The following BIN1 variants were observed in gnomAD, a reference collection of about 807,000 sequenced individuals.
The protein encoded by BIN1 is myc box-dependent-interacting protein 1.
In BIN1, 53 loss-of-function variants were observed where a neutral mutation model predicts 82.0. That is an observed-to-expected ratio of 0.65 (90% confidence interval 0.52 to 0.81). The LOEUF (loss-of-function observed/expected upper bound fraction) is 0.81. BIN1 is among the 40% of genes least tolerant of loss of function. The pLI, the probability that BIN1 is intolerant of heterozygous loss-of-function variation, is 0.00. For synonymous variants in BIN1, 302 were observed against 328.0 expected (o/e 0.92, Z 0.86); for missense variants, 642 against 784.4 (o/e 0.82, Z 2.17).
chr2:127,059,040 C>T lies in BIN1; in HGVS notation c.973G>A (p.Gly325Arg), dbSNP rs571987587. ...EPEPAGGATP[G>R]ATLPKSPSQL... The stretch of plus-strand genomic sequence containing the variant: ...GATGGGGACTTGGGGAGGGTGGCCC[C>T]GGGCGTGGCCCCGCCGGCCGGCTCT... The change falls in exon 11 of 19, where the codon GGG (glycine) becomes AGG (arginine). Residue 325 changes from glycine (G) to arginine (R), a missense_variant. Coordinates refer to ENST00000316724, the MANE Select transcript of BIN1 (RefSeq NM_139343.3). The surrounding 1 kb of genome is among the most constrained non-coding windows in gnomAD (Gnocchi z 6.7). The T allele has an allele frequency of 3.2e-6, 5 of 1,563,878 alleles. No homozygotes were observed. Among genetic ancestry groups the T allele is most frequent in the African/African-American group, 1.4e-5 (1 of 73,736 alleles).
rs1469189523 is a variant in BIN1 at position 127,093,957 on chromosome 2, C to T, written c.84+12903G>A. On this transcript the variant is annotated intron_variant, in intron 1 of 18. Transcript: ENST00000316724. This position sits in a 1 kb window ranked among gnomAD's most constrained non-coding sequence, Gnocchi z 5.7. ...AGACAGGACGGCCCTAGAGGATACA[C>T]ACGGAGGGCATGGGTGCAGCTAGAC... Among the ~76,000 whole-genome samples the T allele has an allele frequency of 2.0e-5, 3 of 152,184 alleles. No homozygotes were observed. The highest frequency in any genetic ancestry group is 2.9e-5 in the Non-Finnish European group (2 of 68,028).
Position 127,067,310 on chromosome 2 carries a change from C to G in BIN1, c.612+853G>C, listed in dbSNP as rs991524558. ...TGTGACTACACTGACCTGAAATGTG[C>G]CTCAGTTTCATTGGCGAGAAAACCA... On this transcript the variant is annotated intron_variant, in intron 7 of 18. Transcript: ENST00000316724. This position sits in a 1 kb window ranked among gnomAD's most constrained non-coding sequence, Gnocchi z 4.7. Among the ~76,000 whole-genome samples, 4 of 152,148 alleles carry G rather than the reference C, an allele frequency of 2.6e-5. No individual in the cohort carries two copies. The highest frequency in any genetic ancestry group is 2.6e-4 in the Admixed American group (4 of 15,280).
In BIN1 at chr2:127,057,560, G is replaced by C; in HGVS notation, c.1044C>G (p.Thr348=). ...GPPVPPPPKH[T]PSKEVKQEQI... ...GCTCCTGCTTGACTTCCTTGGACGG[G>C]GTGTGTTTGGGAGGCGGAGGGACTG... Residue 348 remains threonine, a synonymous_variant, in exon 12 of 19, where the codon ACC becomes ACG. Transcript: ENST00000316724. This position sits in a 1 kb window ranked among gnomAD's most constrained non-coding sequence, Gnocchi z 5.0. 1 of 1,542,638 alleles carries C rather than the reference G, an allele frequency of 6.5e-7. No individual in the cohort carries two copies.
At chr2:127,051,688 C>T (rs1418482338) in intron 15 of BIN1, among the ~76,000 whole-genome samples, 2 of 152,224 alleles carry the variant, frequency 1.3e-5, no homozygotes, top group Non-Finnish European at 2.9e-5. Context: ...AGCCTGAGCA[C>T]AACCCAGCGC....
chr2:127,105,770 G>A (rs1681021251), intron 1 of BIN1, among the ~76,000 whole-genome samples: 1 of 152,192 alleles, frequency 6.6e-6, no homozygotes, highest in Admixed American at 6.5e-5. Flanking sequence ...GGGGAAGGCC[G>A]GCCTGTCCCT....
At chr2:127,071,411 C>T (rs1037177243) in intron 2 of BIN1, among the ~76,000 whole-genome samples, 1 of 152,104 alleles carries the variant, frequency 6.6e-6, no homozygotes, top group Non-Finnish European at 1.5e-5. Flanking sequence ...GCCAGGATCA[C>T]TGGCCCAGCT....
chr2:127,070,041 G>A lies in BIN1; in HGVS notation c.365C>T (p.Ala122Val), dbSNP rs745382388. ...CAGGTACGTGTCCATGGTCAGCAGCGCCTGGTCCACCAGCTTCTGGTGGTA... is the reference window on the plus strand; with the variant it reads ...CAGGTACGTGTCCATGGTCAGCAGCACCTGGTCCACCAGCTTCTGGTGGTA... The part of the protein sequence containing the change: ...MDYHQKLVDQ[A>V]LLTMDTYLGQ... The change falls in exon 5 of 19, where the codon GCG (alanine) becomes GTG (valine). Residue 122 changes from alanine (A) to valine (V), a missense_variant. By Grantham distance (64) the Ala-to-Val change is moderately conservative (BLOSUM62 0). Transcript: ENST00000316724. 2 of 1,614,006 alleles carry A rather than the reference G, an allele frequency of 1.2e-6. No individual in the cohort carries two copies. The highest frequency in any genetic ancestry group is 1.3e-5 in the African/African-American group (1 of 74,944).
At chr2:127,060,639 T>C (rs1351848416) in intron 10 of BIN1, 1 of 1,614,076 alleles carries the variant, frequency 6.2e-7, no homozygotes, top group African/African-American at 1.3e-5. Context: ...TTACTTTTCT[T>C]TCTGTGGGGA....
intron 13 of BIN1, 190 bp downstream of exon 13, chr2:127,053,715 A>C (rs1683265882): frequency 1.4e-6 from 1 of 700,140 alleles, no homozygotes; most frequent in Non-Finnish European, 2.5e-6. Context: ...CCCTACTGAG[A>C]GTTCTCCCAG....
At chr2:127,065,718 C>T (rs529722436) in intron 7 of BIN1, among the ~76,000 whole-genome samples, 1 of 152,332 alleles carries the variant, frequency 6.6e-6, no homozygotes, top group Non-Finnish European at 1.5e-5. Context: ...GAAGACAGCA[C>T]CGCAGCTTGT....
intron 1 of BIN1, among the ~76,000 whole-genome samples, chr2:127,094,676 G>A (rs1238469891): frequency 3.3e-5 from 5 of 152,270 alleles, no homozygotes; most frequent in Non-Finnish European, 5.9e-5. Flanking sequence ...TGACCCGCAA[G>A]TGCAGTGGCA....
chr2:127,058,904 TGCCCAGGCCA>T, intron 11 of BIN1, 97 bp downstream of exon 11: 1 of 1,487,140 alleles, frequency 6.7e-7, no homozygotes, highest in Non-Finnish European at 9.1e-7. Flanking sequence ...GGTCCATAGC[TGCCCAGGCCA>T]GAAAGGGGAC....
intron 1 of BIN1, among the ~76,000 whole-genome samples, chr2:127,079,846 C>T (rs1304601518): frequency 6.6e-6 from 1 of 152,302 alleles, no homozygotes; most frequent in South Asian, 2.1e-4. Context: ...AACAACCCAC[C>T]TCTCAGCCTC....
At chr2:127,097,270 A>G (rs1304433148) in intron 1 of BIN1, among the ~76,000 whole-genome samples, 1 of 152,092 alleles carries the variant, frequency 6.6e-6, no homozygotes, top group African/African-American at 2.4e-5. Context: ...CCCAGCCGCC[A>G]GCTCTCCAGG....
intron 1 of BIN1, among the ~76,000 whole-genome samples, chr2:127,105,960 G>A (rs563421730): frequency 6.6e-6 from 1 of 152,248 alleles, no homozygotes; most frequent in Non-Finnish European, 1.5e-5. Context: ...GAGGTGGCTT[G>A]GGATAGACAA....
chr2:127,053,607 C>G (rs764898585), intron 13 of BIN1, 162 bp from the exon 14 acceptor site: 2 of 951,608 alleles, frequency 2.1e-6, no homozygotes, highest in Non-Finnish European at 3.3e-6. Flanking sequence ...TGCAGGTGGC[C>G]GAGCTCCCGA....
At chr2:127,073,944 G>A (rs1255978037) in intron 2 of BIN1, among the ~76,000 whole-genome samples, 1 of 152,162 alleles carries the variant, frequency 6.6e-6, no homozygotes, top group East Asian at 1.9e-4. Flanking sequence ...ATGCTACTGT[G>A]ACCAGCGCCA....
chr2:127,078,250 C>T (rs1367955977), intron 1 of BIN1, among the ~76,000 whole-genome samples: 3 of 152,252 alleles, frequency 2.0e-5, no homozygotes, highest in Non-Finnish European at 4.4e-5. Flanking sequence ...TCACCAAGCA[C>T]TTGCTCTGTG....
In BIN1 at chr2:127,057,341, TGA is replaced by T; in HGVS notation, c.1131+130_1131+131del. On this transcript the variant is annotated intron_variant, in intron 12 of 18. Transcript: ENST00000316724. The surrounding 1 kb of genome is among the most constrained non-coding windows in gnomAD (Gnocchi z 5.0). ...GATGATGGATGGAGGGAACAAAGGG[TGA>T]GAGAGGGAAACTGACACTCTCTCTG... The T allele has an allele frequency of 8.2e-7, 1 of 1,221,528 alleles. No individual in the cohort carries two copies. The highest frequency in any genetic ancestry group is 1.1e-6 in the Non-Finnish European group (1 of 916,016). 75.7% of individuals were successfully genotyped at this position (1,221,528 alleles called of 1,614,324 possible). A position where few individuals can be genotyped will look rare whatever the true frequency, so the allele number is the denominator to read the frequency against.
Sources: allele counts gnomAD v4.1 joint callset (sites outside exome capture counted in the v4.1 genomes callset), GRCh38; gene constraint gnomAD v4.1.1; non-coding constraint Gnocchi (gnomAD v3.1); transcripts MANE v1.5; gene names NCBI Gene and HGNC (gene_info 2026-07-23, HGNC 2026-07-21).